Variants in ASAP1 observed in about 807,000 individuals in gnomAD.
ASAP1 encodes ArfGAP with SH3 domain, ankyrin repeat and PH domain 1, also known as arf-GAP with SH3 domain, ANK repeat and PH domain-containing protein 1.
ASAP1 carries 43 observed loss-of-function variants against 145.2 expected under a neutral mutation model. That is an observed-to-expected ratio of 0.30 (90% confidence interval 0.23 to 0.38). The LOEUF (loss-of-function observed/expected upper bound fraction) is 0.38. ASAP1 is among the 10% of genes least tolerant of loss of function. ASAP1 has a pLI of 1.00. For synonymous variants in ASAP1, 546 were observed against 515.5 expected, an observed-to-expected ratio of 1.06 and a Z score of -0.80; for missense variants, 1,018 against 1,355.3, an observed-to-expected ratio of 0.75 and a Z score of 3.91.
chr8:130,149,011 ATTT>A (rs397892008), intron 13 of ASAP1, among the ~76,000 whole-genome samples: 1 of 123,926 alleles, frequency 8.1e-6, no homozygotes, highest in Non-Finnish European at 1.7e-5. Flanking sequence ...TAATTTTTGC[ATTT>A]TTTTTTTTTT....
At chr8:130,149,472 A>G (rs2097641053) in intron 13 of ASAP1, among the ~76,000 whole-genome samples, 1 of 152,084 alleles carries the variant, frequency 6.6e-6, no homozygotes. Context: ...TTAGAACAGT[A>G]AGCTGGGGAG....
chr8:130,232,501 T>C (rs1253974323), intron 4 of ASAP1, among the ~76,000 whole-genome samples: 1 of 152,136 alleles, frequency 6.6e-6, no homozygotes, highest in Non-Finnish European at 1.5e-5. Context: ...TTGGTCTAAG[T>C]AGTTCACAGA....
chr8:130,199,496 C>G (rs988994060), intron 5 of ASAP1, among the ~76,000 whole-genome samples: 1 of 152,140 alleles, frequency 6.6e-6, no homozygotes, highest in African/African-American at 2.4e-5. Flanking sequence ...AGTGACAAAC[C>G]AAGGGTACCC....
chr8:130,158,856 C>CA (rs1412436339), intron 12 of ASAP1, among the ~76,000 whole-genome samples: 2 of 152,008 alleles, frequency 1.3e-5, no homozygotes, highest in Admixed American at 1.3e-4. Flanking sequence ...CTCAGCCTCC[C>CA]AAGTAGCTGG....
chr8:130,190,557 G>A (rs561053340), intron 5 of ASAP1, among the ~76,000 whole-genome samples: 14 of 151,906 alleles, frequency 9.2e-5, no homozygotes, highest in African/African-American at 2.9e-4. Context: ...TCACTCTGTC[G>A]CCCAGGCTGG....
chr8:130,246,442 T>C (rs2136788293), intron 3 of ASAP1, among the ~76,000 whole-genome samples: 1 of 151,864 alleles, frequency 6.6e-6, no homozygotes, highest in African/African-American at 2.4e-5. Flanking sequence ...TGGTGGGAGG[T>C]GACTGGATCA....
At chr8:130,070,837 GA>G in intron 27 of ASAP1, among the ~76,000 whole-genome samples, 1 of 14,450 alleles carries the variant, frequency 6.9e-5, no homozygotes, top group Non-Finnish European at 1.3e-4. Context: ...GAGGGAGAGA[GA>G]GGGAGAGAGG....
At chr8:130,254,404 T>TA (rs1172719922) in intron 3 of ASAP1, among the ~76,000 whole-genome samples, 1 of 152,182 alleles carries the variant, frequency 6.6e-6, no homozygotes, top group Admixed American at 6.5e-5. Flanking sequence ...AGTGGTCTGT[T>TA]ATGGTACTAA....
At chr8:130,076,530 CTTTTT>C in intron 26 of ASAP1, 124 bp from the exon 27 acceptor site, 7 of 755,942 alleles carry the variant, frequency 9.3e-6, no homozygotes, top group Non-Finnish European at 1.5e-5. Flanking sequence ...TCAAAATTTC[CTTTTT>C]TTTTGAGATG....
intron 1 of ASAP1, among the ~76,000 whole-genome samples, chr8:130,417,410 T>C (rs1422257898): frequency 6.6e-6 from 1 of 152,130 alleles, no homozygotes. Flanking sequence ...ATGTGCTGGG[T>C]CGGGACATTC....
intron 3 of ASAP1, among the ~76,000 whole-genome samples, chr8:130,332,164 C>G (rs1824731100): frequency 6.6e-6 from 1 of 152,188 alleles, no homozygotes; most frequent in South Asian, 2.1e-4. Flanking sequence ...TTTGAAGAAA[C>G]AGTCTGATTT....
chr8:130,292,668 A>G (rs1336191120), intron 3 of ASAP1, among the ~76,000 whole-genome samples: 2 of 152,216 alleles, frequency 1.3e-5, no homozygotes, highest in Non-Finnish European at 2.9e-5. Context: ...ACACAAATGC[A>G]ATGGCAGAAA....
At chr8:130,258,362 C>G (rs887819317) in intron 3 of ASAP1, among the ~76,000 whole-genome samples, 1 of 152,212 alleles carries the variant, frequency 6.6e-6, no homozygotes. Flanking sequence ...CCACCTTCAC[C>G]CTTGCCTTCT....
chr8:130,361,541 T>G (rs577342031), intron 2 of ASAP1: 5 of 722,076 alleles, frequency 6.9e-6, no homozygotes, highest in Admixed American at 6.4e-5. Context: ...ATGTTATGTA[T>G]CTGCTCCTCC....
chr8:130,054,455 G>T lies in ASAP1; in HGVS notation c.*276C>A. The stretch of plus-strand genomic sequence containing the variant: ...AGTTCCTATACTCCTATTTTTGTTT[G>T]TTTGCTTGTAGAACAGCATAGAGAG... On this transcript the variant is annotated 3_prime_UTR_variant, in exon 30 of 30. Transcript: ENST00000518721. The T allele has an allele frequency of 1.3e-5, 4 of 299,788 alleles. No homozygotes were observed. The highest frequency in any genetic ancestry group is 4.1e-5 in the Admixed American group (1 of 24,380). The allele number at this position is 299,788 out of a possible 1,614,324, so 18.6% of individuals were successfully genotyped here.
chr8:130,321,255 A>G (rs926983664), intron 3 of ASAP1, among the ~76,000 whole-genome samples: 6 of 152,016 alleles, frequency 3.9e-5, no homozygotes, highest in Non-Finnish European at 7.4e-5. Flanking sequence ...TGGCATTTAC[A>G]ACCCACTCTA....
At chr8:130,174,289 T>G (rs759240615) in intron 9 of ASAP1, among the ~76,000 whole-genome samples, 2 of 152,188 alleles carry the variant, frequency 1.3e-5, no homozygotes, top group African/African-American at 4.8e-5. Flanking sequence ...AAAGTGTTGT[T>G]AGCTGGAAAG....
chr8:130,315,404 A>C (rs1456210673), intron 3 of ASAP1, among the ~76,000 whole-genome samples: 1 of 152,218 alleles, frequency 6.6e-6, no homozygotes, highest in Non-Finnish European at 1.5e-5. Context: ...CCAGGAAATA[A>C]GAGCTAGGAA....
chr8:130,079,462 T>C (rs2097473542), intron 26 of ASAP1, among the ~76,000 whole-genome samples: 1 of 152,190 alleles, frequency 6.6e-6, no homozygotes, highest in South Asian at 2.1e-4. Flanking sequence ...GAAAGAGTGC[T>C]ATTTTTATGT....
Sources: gnomAD v4.1 joint callset for allele counts (sites outside exome capture counted in the v4.1 genomes callset) on GRCh38, gnomAD v4.1.1 for gene constraint, MANE v1.5 for transcripts, NCBI Gene and HGNC (gene_info 2026-07-23, HGNC 2026-07-21) for gene names.